MEOX1: variants seen among roughly 807,000 people sequenced by gnomAD.
The protein encoded by MEOX1 is mesenchyme homeobox 1.
Under a neutral mutation model 23.2 loss-of-function variants are expected in MEOX1, and 17 were observed. The ratio of observed to expected loss-of-function variants is 0.73; its 90% CI spans 0.50 to 1.10. The LOEUF (loss-of-function observed/expected upper bound fraction) is 1.10. Ranked by LOEUF, MEOX1 falls within the 50% of genes least tolerant of loss-of-function variation. The probability of loss-of-function intolerance (pLI) is 0.00; values close to 1 mark genes in which losing one functional copy is unlikely to be tolerated. For missense variants in MEOX1, 333 were observed against 332.2 expected, an observed-to-expected ratio of 1.00 and a Z score of -0.02; for synonymous variants, 134 against 135.1, an observed-to-expected ratio of 0.99 and a Z score of 0.06.
chr17:43,657,055 T>TTTCTTTCTTTCTTTCTTTCTTTCC (rs777740594), intron 1 of MEOX1, among the ~76,000 whole-genome samples: 10 of 136,454 alleles, frequency 7.3e-5, no homozygotes, highest in East Asian at 4.2e-4. Flanking sequence ...TCTTTCTTTC[T>TTTCTTTCTTTCTTTCTTTCTTTCC]TTCCTTCCTT....
intron 1 of MEOX1, among the ~76,000 whole-genome samples, chr17:43,657,172 T>TTC (rs1487633188): frequency 1.5e-4 from 4 of 26,648 alleles, no homozygotes; most frequent in Non-Finnish European, 2.7e-4. Context: ...CTTTCTTTCT[T>TTC]TTTTTTTTTT....
chr17:43,657,430 G>A (rs538247011), intron 1 of MEOX1, among the ~76,000 whole-genome samples: 9 of 149,720 alleles, frequency 6.0e-5, no homozygotes, highest in East Asian at 2.0e-4. Context: ...CAGGTGATCC[G>A]CCTGGCTCAG....
chr17:43,661,234 C>T lies in MEOX1; in HGVS notation c.301G>A (p.Ala101Thr), dbSNP rs145190245. 4.5e-5 allele frequency: 72 copies of T among 1,609,044 alleles called. No homozygotes were observed. The highest frequency in any genetic ancestry group is 2.9e-4 in the African/African-American group (22 of 74,860). The change falls in exon 1 of 3, where the codon GCC (alanine) becomes ACC (threonine). Residue 101 changes from alanine to threonine, a missense_variant. Ala to Thr is a moderately conservative substitution (Grantham distance 58, BLOSUM62 0). Coordinates refer to ENST00000318579, the MANE Select transcript of MEOX1 (RefSeq NM_004527.4). ...GGGCCTGAGTTGGGCCTGCGCCGGG[C>T]GTCTGAGACAGGGAAGTGCCAGTTG... The part of the protein sequence containing the change: ...SPNWHFPVSD[A>T]RRRPNSGPAG...
chr17:43,642,087 C>A, intron 2 of MEOX1, 55 bp from the exon 3 acceptor site: 1 of 1,565,254 alleles, frequency 6.4e-7, no homozygotes, highest in South Asian at 1.2e-5. Flanking sequence ...GACCTCCTCC[C>A]CATGTCAATG....
chr17:43,642,338 A>C (rs1567740926), intron 2 of MEOX1, among the ~76,000 whole-genome samples: 1 of 151,558 alleles, frequency 6.6e-6, no homozygotes, highest in African/African-American at 2.4e-5. Flanking sequence ...CCTGCCCCCT[A>C]CCTCCATTCC....
Position 43,661,172 on chromosome 17 carries a change from C to G in MEOX1, c.363G>C (p.Leu121=). Residue 121 remains leucine (L), a synonymous_variant, in exon 1 of 3, where the codon CTG becomes CTC. Transcript: ENST00000318579. Reference sequence around the variant, plus strand: ...GGCCTCCTGTGGTGTCCACCAGGCCCAGGCTGCTGGTCCCCATTTCCTTGG... The same window carrying G: ...GGCCTCCTGTGGTGTCCACCAGGCCGAGGCTGCTGGTCCCCATTTCCTTGG... The part of the protein sequence containing the change: ...GGSKEMGTSS[L]GLVDTTGGPG... 6.3e-7 allele frequency: 1 copy of G among 1,598,700 alleles called. No individual in the cohort carries two copies. The highest frequency in any genetic ancestry group is 8.5e-7 in the Non-Finnish European group (1 of 1,172,142).
intron 1 of MEOX1, among the ~76,000 whole-genome samples, chr17:43,660,745 G>A (rs1973121555): frequency 6.6e-6 from 1 of 152,148 alleles, no homozygotes; most frequent in African/African-American, 2.4e-5. Flanking sequence ...CCTGATTCAG[G>A]AAAGCCCCTC....
intron 1 of MEOX1, 131 bp from the exon 2 acceptor site, chr17:43,643,791 C>T: frequency 1.6e-6 from 1 of 641,622 alleles, no homozygotes; most frequent in Non-Finnish European, 2.5e-6. Context: ...AAAAAAGCTA[C>T]ACTGTCCTTT....
At chr17:43,659,344 C>T (rs140504389) in intron 1 of MEOX1, among the ~76,000 whole-genome samples, 4 of 152,232 alleles carry the variant, frequency 2.6e-5, no homozygotes, top group Non-Finnish European at 4.4e-5. Context: ...AGTTAATTTT[C>T]GGGATGGGGA....
intron 1 of MEOX1, among the ~76,000 whole-genome samples, chr17:43,652,042 G>A (rs948260479): frequency 6.6e-6 from 1 of 152,234 alleles, no homozygotes; most frequent in Admixed American, 6.5e-5. Flanking sequence ...CCTGGGTCCT[G>A]CTTTGGGCTC....
chr17:43,660,394 G>T (rs1383173673), intron 1 of MEOX1, among the ~76,000 whole-genome samples: 1 of 152,190 alleles, frequency 6.6e-6, no homozygotes, highest in East Asian at 1.9e-4. Flanking sequence ...CCTTCCTGGG[G>T]GGTCAGCCAG....
At chr17:43,656,224 G>C (rs1973015480) in intron 1 of MEOX1, among the ~76,000 whole-genome samples, 1 of 152,180 alleles carries the variant, frequency 6.6e-6, no homozygotes, top group Non-Finnish European at 1.5e-5. Context: ...CTTGGAAGGG[G>C]TTGTTTTTGA....
intron 1 of MEOX1, among the ~76,000 whole-genome samples, chr17:43,643,866 T>A (rs558214098): frequency 6.6e-6 from 1 of 151,972 alleles, no homozygotes; most frequent in Admixed American, 6.6e-5. Context: ...GTTTCCAATC[T>A]CAGGTACCTG....
chr17:43,651,089 C>T lies in MEOX1; in HGVS notation c.470-7429G>A, dbSNP rs145630391. ...ATCCCAGCACTTTGGGAGGCCGAGG[C>T]GGGTGGATCACGAGATCAGGAGATC... On this transcript the variant is annotated intron_variant, in intron 1 of 2. Coordinates refer to ENST00000318579, the MANE Select transcript of MEOX1 (RefSeq NM_004527.4). Among the ~76,000 whole-genome samples the T allele has an allele frequency of 4.6e-3, 694 of 152,158 alleles. 5 individuals are homozygous for T. The highest frequency in any genetic ancestry group is 0.015 in the African/African-American group (632 of 41,488).
At position 43,649,122 on chromosome 17, in the gene MEOX1, G is replaced by A. The variant is rs184425618; in HGVS notation, c.470-5462C>T. On this transcript the variant is annotated intron_variant, in intron 1 of 2. Transcript: ENST00000318579. Reference sequence around the variant, plus strand: ...ATAGCGGGCGTTAACACCTAGCACAGTGCCTGGCATGTCACTGAAGCTCTG... The same window carrying A: ...ATAGCGGGCGTTAACACCTAGCACAATGCCTGGCATGTCACTGAAGCTCTG... Among the ~76,000 whole-genome samples, 18 of 152,286 alleles carry A rather than the reference G, an allele frequency of 1.2e-4. No homozygotes were observed. In the East Asian group the frequency reaches 3.3e-3, roughly 28 times the overall value.
rs28729140 is a variant in MEOX1, at chr17:43,642,109, C to T, written c.643-77G>A. On this transcript the variant is annotated intron_variant, in intron 2 of 2. Transcript: ENST00000318579. Reference sequence around the variant, plus strand: ...TCCCCATGTCAATGCTTAGGCTAGCCAGGGTGTAACTCCAGGGACCCCAGC... The same window carrying T: ...TCCCCATGTCAATGCTTAGGCTAGCTAGGGTGTAACTCCAGGGACCCCAGC... 5,055 of 1,489,476 alleles carry T rather than the reference C, an allele frequency of 3.4e-3. 145 individuals are homozygous for T. In the African/African-American group the frequency reaches 0.06, roughly 18 times the overall value. The allele number at this position is 1,489,476 out of a possible 1,614,324, so 92.3% of individuals were successfully genotyped here. A position where few individuals can be genotyped will look rare whatever the true frequency, so the allele number is the denominator to read the frequency against.
intron 1 of MEOX1, among the ~76,000 whole-genome samples, chr17:43,658,175 G>A (rs1007310772): frequency 3.9e-5 from 6 of 152,342 alleles, no homozygotes; most frequent in Admixed American, 3.9e-4. Context: ...GACTTGGGGA[G>A]GCCCAAATGC....
intron 1 of MEOX1, among the ~76,000 whole-genome samples, chr17:43,648,168 A>C (rs553127410): frequency 7.2e-4 from 110 of 152,334 alleles, no homozygotes; most frequent in Non-Finnish European, 1.3e-3. Flanking sequence ...ACCCTGCCAC[A>C]TGAAAGTAAC....
At chr17:43,657,594 A>C (rs1343899005) in intron 1 of MEOX1, among the ~76,000 whole-genome samples, 1 of 152,144 alleles carries the variant, frequency 6.6e-6, no homozygotes. Flanking sequence ...AAGCGCAGAG[A>C]ACATTCCTCT....
Sources: gnomAD v4.1 joint callset for allele counts (sites outside exome capture counted in the v4.1 genomes callset) on GRCh38, gnomAD v4.1.1 for gene constraint, MANE v1.5 for transcripts, NCBI Gene and HGNC (gene_info 2026-07-23, HGNC 2026-07-21) for gene names.